Variants in SNX24 observed in about 807,000 individuals in gnomAD.
SNX24 encodes sorting nexin-24.
In SNX24, 22 loss-of-function variants were observed where a neutral mutation model predicts 28.7. The observed-to-expected ratio is 0.77, with a 90% CI of 0.55 to 1.10. SNX24 has a LOEUF of 1.10. Ranked by LOEUF, SNX24 falls within the 50% of genes least tolerant of loss-of-function variation. SNX24 has a pLI of 0.00. For missense variants in SNX24, 221 were observed against 201.1 expected (o/e 1.10, Z -0.60); for synonymous variants, 69 against 71.5 (o/e 0.96, Z 0.18).
chr5:122,890,467 G>T (rs1026020915), intron 1 of SNX24, among the ~76,000 whole-genome samples: 1 of 113,926 alleles, frequency 8.8e-6, no homozygotes, highest in African/African-American at 3.9e-5. Context: ...TCCATTTAGA[G>T]GGGATTTTTT....
At chr5:122,984,431 A>G (rs1039729645) in intron 3 of SNX24, among the ~76,000 whole-genome samples, 2 of 152,172 alleles carry the variant, frequency 1.3e-5, no homozygotes, top group Non-Finnish European at 2.9e-5. Context: ...GAGAGCATTA[A>G]CCCCAACTGC....
At chr5:123,014,333 ATTTTTTTTTT>A (rs70988553) in intron 5 of SNX24, among the ~76,000 whole-genome samples, 832 of 77,292 alleles carry the variant, frequency 0.011, 12 homozygotes, top group African/African-American at 0.044. Context: ...TGCCCAGCTG[ATTTTTTTTTT>A]TTTTTTTTTT....
At chr5:122,950,815 C>T (rs1417739483) in intron 3 of SNX24, among the ~76,000 whole-genome samples, 1 of 152,152 alleles carries the variant, frequency 6.6e-6, no homozygotes, top group African/African-American at 2.4e-5. Flanking sequence ...GGAATATTCT[C>T]ACTGTGGGTT....
At chr5:122,912,854 G>A (rs1757954055) in intron 1 of SNX24, among the ~76,000 whole-genome samples, 1 of 151,884 alleles carries the variant, frequency 6.6e-6, no homozygotes, top group Non-Finnish European at 1.5e-5. Flanking sequence ...AAGGTCTCTG[G>A]TTTTCCTAGG....
chr5:122,848,034 T>C (rs1754721167), intron 1 of SNX24, among the ~76,000 whole-genome samples: 1 of 152,304 alleles, frequency 6.6e-6, no homozygotes, highest in Admixed American at 6.5e-5. Context: ...GTTTCCTAAA[T>C]AAGAAGCTTG....
intron 3 of SNX24, among the ~76,000 whole-genome samples, chr5:122,993,465 A>C (rs1009540773): frequency 1.3e-5 from 2 of 151,654 alleles, no homozygotes; most frequent in African/African-American, 4.8e-5. Flanking sequence ...CGCCTGGCTA[A>C]TTTTTTTGTA....
intron 3 of SNX24, among the ~76,000 whole-genome samples, chr5:122,946,931 C>G (rs555028085): frequency 5.9e-5 from 9 of 152,316 alleles, no homozygotes; most frequent in African/African-American, 2.2e-4. Context: ...CATTCTGCCA[C>G]TAACCCATCT....
At chr5:122,962,434 A>G (rs1760522628) in intron 3 of SNX24, among the ~76,000 whole-genome samples, 1 of 152,256 alleles carries the variant, frequency 6.6e-6, no homozygotes, top group Admixed American at 6.5e-5. Flanking sequence ...TTCACTTAAA[A>G]TAATTTTTAG....
intron 1 of SNX24, among the ~76,000 whole-genome samples, chr5:122,914,675 T>G (rs572421861): frequency 1.8e-4 from 27 of 151,366 alleles, no homozygotes; most frequent in Admixed American, 6.6e-4. Flanking sequence ...TTTTCTAGTT[T>G]ATTTGCGTAG....
At chr5:123,014,446 T>C (rs528450152) in intron 5 of SNX24, among the ~76,000 whole-genome samples, 1 of 145,384 alleles carries the variant, frequency 6.9e-6, no homozygotes, top group East Asian at 2.0e-4. Flanking sequence ...CCTCCCAAAG[T>C]GCTGGGATTA....
At chr5:122,857,097 C>T (rs553343551) in intron 1 of SNX24, among the ~76,000 whole-genome samples, 22 of 151,952 alleles carry the variant, frequency 1.4e-4, no homozygotes, top group East Asian at 9.7e-4. Context: ...CCACAACCTC[C>T]GCCTCCCGGG....
intron 2 of SNX24, among the ~76,000 whole-genome samples, chr5:122,937,905 G>A (rs1759245064): frequency 6.6e-6 from 1 of 152,160 alleles, no homozygotes; most frequent in Non-Finnish European, 1.5e-5. Context: ...TTTTGTTTAT[G>A]TGTTTTGGGA....
intron 5 of SNX24, among the ~76,000 whole-genome samples, chr5:123,021,767 T>C (rs1465855982): frequency 6.6e-6 from 1 of 152,132 alleles, no homozygotes; most frequent in Non-Finnish European, 1.5e-5. Context: ...GTCTCAGCCT[T>C]ACCTCTGACC....
intron 1 of SNX24, among the ~76,000 whole-genome samples, chr5:122,908,971 C>G (rs1001596374): frequency 3.9e-5 from 6 of 152,136 alleles, no homozygotes; most frequent in African/African-American, 1.4e-4. Context: ...GTGGGACTTG[C>G]TCTAAGAAAG....
At chr5:123,022,882 C>G (rs143505355) in intron 5 of SNX24, 8 of 152,436 alleles carry the variant, frequency 5.2e-5, no homozygotes, top group African/African-American at 1.9e-4. Context: ...CAGCTCACTA[C>G]AGCCTTGATC....
chr5:122,957,541 T>C (rs769902165), intron 3 of SNX24, among the ~76,000 whole-genome samples: 1 of 152,216 alleles, frequency 6.6e-6, no homozygotes, highest in Non-Finnish European at 1.5e-5. Context: ...TGGATTTTTA[T>C]ATTTCTGCAA....
intron 3 of SNX24, among the ~76,000 whole-genome samples, chr5:122,983,981 T>C (rs960096620): frequency 4.6e-5 from 7 of 152,364 alleles, no homozygotes; most frequent in African/African-American, 1.7e-4. Context: ...TAATTGATAT[T>C]TGTTGCTTTA....
At chr5:122,925,760 T>C (rs1362091588) in intron 1 of SNX24, among the ~76,000 whole-genome samples, 1 of 152,244 alleles carries the variant, frequency 6.6e-6, no homozygotes, top group Admixed American at 6.5e-5. Flanking sequence ...AGTTTATACA[T>C]ATTCTTCCCA....
At chr5:123,025,719 A>C in intron 5 of SNX24, 1 of 1,495,074 alleles carries the variant, frequency 6.7e-7, no homozygotes, top group Non-Finnish European at 9.2e-7. Context: ...AGATTAAAAT[A>C]AATCACTGAA....
Sources: allele counts gnomAD v4.1 joint callset (sites outside exome capture counted in the v4.1 genomes callset), GRCh38; gene constraint gnomAD v4.1.1; transcripts MANE v1.5; gene names NCBI Gene and HGNC (gene_info 2026-07-23, HGNC 2026-07-21).